EDNRA: variants seen among roughly 807,000 people sequenced by gnomAD.
EDNRA encodes endothelin receptor type A.
In EDNRA, 11 loss-of-function variants were observed where a neutral mutation model predicts 41.4. That is an observed-to-expected ratio of 0.27 (90% CI 0.17 to 0.44). The LOEUF (loss-of-function observed/expected upper bound fraction) is 0.44, where lower values mean the gene tolerates loss of function less well. Ranked by LOEUF, EDNRA falls within the 20% of genes least tolerant of loss-of-function variation. The probability of loss-of-function intolerance (pLI) is 1.00; values close to 1 mark genes in which losing one functional copy is unlikely to be tolerated. For missense variants in EDNRA, 294 were observed against 531.0 expected (o/e 0.55, Z 4.39); for synonymous variants, 172 against 183.0 (o/e 0.94, Z 0.49).
chr4:147,536,805 A>G (rs1456253115), intron 5 of EDNRA, among the ~76,000 whole-genome samples: 2 of 152,172 alleles, frequency 1.3e-5, no homozygotes, highest in South Asian at 4.1e-4. Context: ...GTGAAATTAG[A>G]ACAGATAAAG....
chr4:147,542,781 C>A lies in EDNRA; in HGVS notation c.*163C>A. The A allele has an allele frequency of 2.6e-6, 2 of 767,616 alleles. No homozygotes were observed. Among genetic ancestry groups the A allele is most frequent in the Non-Finnish European group, 4.0e-6 (2 of 498,916 alleles). The allele number at this position is 767,616 out of a possible 1,614,324, so 47.6% of individuals were successfully genotyped here. Reference sequence around the variant, plus strand: ...AAACCGCAAGGGTAGACTGGTTTATCCACCCACAACATCTACGAATCGTAC... The same window carrying A: ...AAACCGCAAGGGTAGACTGGTTTATACACCCACAACATCTACGAATCGTAC... On this transcript the variant is annotated 3_prime_UTR_variant, in exon 8 of 8. Transcript: ENST00000651419.
At chr4:147,526,766 G>A (rs145152121) in intron 3 of EDNRA, among the ~76,000 whole-genome samples, 133 of 152,258 alleles carry the variant, frequency 8.7e-4, no homozygotes, top group African/African-American at 2.9e-3. Flanking sequence ...GCAACATAGC[G>A]AGATCCTTGT....
In EDNRA at chr4:147,541,462, G is replaced by T. The variant is rs112576793; in HGVS notation, c.1143+977G>T. Among the ~76,000 whole-genome samples, 800 of 152,310 alleles carry T rather than the reference G, an allele frequency of 5.3e-3. 5 individuals carry two copies. Among genetic ancestry groups the T allele is most frequent in the African/African-American group, 0.018 (758 of 41,568 alleles). On this transcript the variant is annotated intron_variant, in intron 7 of 7. Transcript: ENST00000651419. Reference sequence around the variant, plus strand: ...CGATGGACATTACAGCCCTGCACTTGCTAACTATCTACCCCAGGTAGTGCC... The same window carrying T: ...CGATGGACATTACAGCCCTGCACTTTCTAACTATCTACCCCAGGTAGTGCC...
chr4:147,539,818 G>A lies in EDNRA; in HGVS notation c.902G>A (p.Arg301His), dbSNP rs750171725. Residue 301 changes from arginine (R) to histidine (H), a missense_variant and splice_region_variant, in exon 6 of 8, where the codon CGT becomes CAT. Transcript: ENST00000651419. ...TATTTTTTTCTCACTTTCCTTTAGC[G>A]TCGAGAAGTGGCAAAAACAGTTTTC... ...RIALSEHLKQ[R>H]REVAKTVFCL... 2.5e-6 allele frequency: 4 copies of A among 1,606,818 alleles called. No individual in the cohort carries two copies. Among genetic ancestry groups the A allele is most frequent in the South Asian group, 1.1e-5 (1 of 89,208 alleles).
At chr4:147,521,917 A>C (rs1334516687) in intron 3 of EDNRA, among the ~76,000 whole-genome samples, 2 of 152,168 alleles carry the variant, frequency 1.3e-5, no homozygotes, top group Non-Finnish European at 2.9e-5. Context: ...TGTCACCCGG[A>C]CTAGAATGCA....
At chr4:147,508,727 C>T (rs1046392905) in intron 2 of EDNRA, among the ~76,000 whole-genome samples, 3 of 152,128 alleles carry the variant, frequency 2.0e-5, no homozygotes, top group African/African-American at 2.4e-5. Flanking sequence ...CATTGAATTG[C>T]CTTGGACCTT....
In EDNRA at chr4:147,542,589, C is replaced by G; in HGVS notation, c.1255C>G (p.Arg419Gly). The G allele has an allele frequency of 1.2e-6, 2 of 1,614,010 alleles. No homozygotes were observed. Among genetic ancestry groups the G allele is most frequent in the South Asian group, 1.1e-5 (1 of 91,070 alleles). ...CGATCAAAACAACCACAACACAGAC[C>G]GGAGCAGCCATAAGGACAGCATGAA... ...NHDQNNHNTD[R>G]SSHKDSMN is the part of the protein sequence containing the mutation. Residue 419 changes from arginine (R) to glycine (G), a missense_variant, in exon 8 of 8, where the codon CGG becomes GGG. This residue lies in a region of EDNRA where 19 missense variants were observed against 17.4 expected (regional missense o/e 1.09). Transcript: ENST00000651419.
intron 7 of EDNRA, among the ~76,000 whole-genome samples, chr4:147,541,601 ATT>A (rs967261278): frequency 6.6e-6 from 1 of 152,206 alleles, no homozygotes; most frequent in African/African-American, 2.4e-5. Flanking sequence ...ATATGAGTTG[ATT>A]ACTATTAGGG....
rs1338609632 is a variant in EDNRA, at chr4:147,527,319, C to T, written c.549-5187C>T. ...GCGTCTTATTCACAGCTGTGAAACA[C>T]TAGAAATGATGTGAACATAGAAAAA... On this transcript the variant is annotated intron_variant, in intron 3 of 7. Transcript: ENST00000651419. Among the ~76,000 whole-genome samples, 4 of 152,098 alleles carry T rather than the reference C, an allele frequency of 2.6e-5. No homozygotes were observed. In the East Asian group the frequency reaches 5.8e-4, roughly 22 times the overall value.
At chr4:147,536,286 C>T (rs1022036611) in intron 5 of EDNRA, among the ~76,000 whole-genome samples, 1 of 152,182 alleles carries the variant, frequency 6.6e-6, no homozygotes, top group Non-Finnish European at 1.5e-5. Context: ...GTGTACTGAG[C>T]ATGTGTGTAT....
intron 2 of EDNRA, among the ~76,000 whole-genome samples, chr4:147,510,980 G>A (rs140345419): frequency 7.2e-5 from 11 of 152,336 alleles, no homozygotes; most frequent in African/African-American, 2.6e-4. Context: ...AATTCAGAGA[G>A]TATCTAGTTC....
chr4:147,506,364 A>C (rs1242053182), intron 2 of EDNRA: 2 of 421,844 alleles, frequency 4.7e-6, no homozygotes, highest in East Asian at 1.2e-4. Flanking sequence ...GGTACAAAGA[A>C]CTGAATGCCA....
chr4:147,535,142 A>G (rs1730876417), intron 4 of EDNRA, among the ~76,000 whole-genome samples: 1 of 152,134 alleles, frequency 6.6e-6, no homozygotes, highest in Admixed American at 6.5e-5. Flanking sequence ...ATCATTTTTC[A>G]TTTTCCATTT....
chr4:147,542,641 G>C lies in EDNRA; in HGVS notation c.*23G>C. ...TGACCACCCTTAGAAGCACTCCTCGGTACTCCCATAATCCTCTCGGAGAAA... is the reference window on the plus strand; with the variant it reads ...TGACCACCCTTAGAAGCACTCCTCGCTACTCCCATAATCCTCTCGGAGAAA... On this transcript the variant is annotated 3_prime_UTR_variant, in exon 8 of 8. Transcript: ENST00000651419. 6.2e-7 allele frequency: 1 copy of C among 1,612,098 alleles called. No homozygotes were observed. Among genetic ancestry groups the C allele is most frequent in the South Asian group, 1.1e-5 (1 of 90,814 alleles).
chr4:147,523,493 T>G (rs1448670304), intron 3 of EDNRA, among the ~76,000 whole-genome samples: 2 of 139,386 alleles, frequency 1.4e-5, no homozygotes, highest in Admixed American at 6.9e-5. Context: ...TTTTTGTTTT[T>G]TTTGTTTTTT....
chr4:147,516,940 A>C (rs6818686), intron 2 of EDNRA, among the ~76,000 whole-genome samples: 1,822 of 152,182 alleles, frequency 0.012, 37 homozygotes, highest in African/African-American at 0.042. Context: ...AAAAGATCAT[A>C]ATGGAGTACT....
chr4:147,542,457 C>G, intron 7 of EDNRA, 21 bp from the exon 8 acceptor site: 2 of 1,613,768 alleles, frequency 1.2e-6, no homozygotes, highest in Non-Finnish European at 1.7e-6. Context: ...CGCCTTACTT[C>G]GAGTCTGTTC....
At chr4:147,510,351 C>G (rs185710015) in intron 2 of EDNRA, among the ~76,000 whole-genome samples, 428 of 152,180 alleles carry the variant, frequency 2.8e-3, no homozygotes, top group African/African-American at 9.8e-3. Context: ...AAACAAAATG[C>G]TTATAGTAGA....
intron 2 of EDNRA, among the ~76,000 whole-genome samples, chr4:147,507,654 A>G (rs1374373715): frequency 6.6e-6 from 1 of 152,226 alleles, no homozygotes; most frequent in Non-Finnish European, 1.5e-5. Flanking sequence ...ATGTTACTCA[A>G]TTGCATAGAG....
Sources: allele counts gnomAD v4.1 joint callset (sites outside exome capture counted in the v4.1 genomes callset), GRCh38; gene constraint gnomAD v4.1.1; regional missense constraint gnomAD v4.1.1; transcripts MANE v1.5; gene names NCBI Gene and HGNC (gene_info 2026-07-23, HGNC 2026-07-21).